Variants in TSPAN5 observed in about 807,000 individuals in gnomAD.
TSPAN5 encodes tetraspanin-5.
A neutral mutation model predicts 37.1 loss-of-function variants in TSPAN5; 10 were observed. The ratio of observed to expected loss-of-function variants is 0.27; its 90% confidence interval spans 0.17 to 0.46. The LOEUF (loss-of-function observed/expected upper bound fraction) is 0.46. Ranked by LOEUF, TSPAN5 falls within the 20% of genes least tolerant of loss-of-function variation. The pLI, the probability that TSPAN5 is intolerant of heterozygous loss-of-function variation, is 1.00. For missense variants in TSPAN5, 195 were observed against 326.6 expected (o/e 0.60, Z 3.11); for synonymous variants, 110 against 118.9 (o/e 0.93, Z 0.48).
chr4:98,553,813 T>A (rs1754674591), intron 1 of TSPAN5, among the ~76,000 whole-genome samples: 1 of 152,178 alleles, frequency 6.6e-6, no homozygotes. Flanking sequence ...ACGCCTGTAA[T>A]CCTAGCACTT....
At chr4:98,598,399 G>C (rs1451060603) in intron 1 of TSPAN5, among the ~76,000 whole-genome samples, 1 of 150,772 alleles carries the variant, frequency 6.6e-6, no homozygotes, top group East Asian at 2.0e-4. Flanking sequence ...CCCGTCTTCT[G>C]CGTCGCTCAC....
chr4:98,582,893 C>A (rs187915527), intron 1 of TSPAN5, among the ~76,000 whole-genome samples: 1 of 152,236 alleles, frequency 6.6e-6, no homozygotes, highest in African/African-American at 2.4e-5. Flanking sequence ...AGCTTGGTAC[C>A]CACAAAAGAT....
intron 7 of TSPAN5, among the ~76,000 whole-genome samples, chr4:98,475,132 G>A (rs966313350): frequency 6.6e-6 from 1 of 152,158 alleles, no homozygotes; most frequent in Non-Finnish European, 1.5e-5. Context: ...TTGCAAATTT[G>A]TTTTGGCTAT....
intron 1 of TSPAN5, among the ~76,000 whole-genome samples, chr4:98,532,094 T>C (rs1754106953): frequency 6.6e-6 from 1 of 152,240 alleles, no homozygotes; most frequent in Non-Finnish European, 1.5e-5. Context: ...TGGCTTTTGT[T>C]GCCATTGCTT....
At chr4:98,500,326 C>T (rs1357895140) in intron 2 of TSPAN5, 2 of 152,164 alleles carry the variant, frequency 1.3e-5, no homozygotes, top group Non-Finnish European at 2.9e-5. Context: ...GCATTGAGAC[C>T]TAAAATCACA....
At chr4:98,653,259 C>A (rs987105079) in intron 1 of TSPAN5, among the ~76,000 whole-genome samples, 1 of 151,914 alleles carries the variant, frequency 6.6e-6, no homozygotes, top group African/African-American at 2.4e-5. Context: ...TGCCCCCCCT[C>A]CCCCACCGCC....
Position 98,658,478 on chromosome 4 carries a change from A to C in TSPAN5, c.-252T>G, listed in dbSNP as rs1757341142. 3.8e-6 allele frequency: 1 copy of C among 263,336 alleles called. No homozygotes were observed. The highest frequency in any genetic ancestry group is 1.6e-4 in the South Asian group (1 of 6,138). 16.3% of individuals were successfully genotyped at this position (263,336 alleles called of 1,614,324 possible). A position where few individuals can be genotyped will look rare whatever the true frequency, so the allele number is the denominator to read the frequency against. On this transcript the variant is annotated 5_prime_UTR_variant, in exon 1 of 8. Transcript: ENST00000305798. The stretch of plus-strand genomic sequence containing the variant: ...CAGGGAAGCCGCGCGCTGCAAGCTC[A>C]AGCCTCGCCGACGCTAGCCCCGAAC...
intron 1 of TSPAN5, among the ~76,000 whole-genome samples, chr4:98,653,108 G>T (rs1757226363): frequency 6.6e-6 from 1 of 152,138 alleles, no homozygotes; most frequent in Non-Finnish European, 1.5e-5. Flanking sequence ...ACGCAATTTA[G>T]ATTCCCATAT....
chr4:98,627,409 A>C (rs977056474), intron 1 of TSPAN5, among the ~76,000 whole-genome samples: 1 of 152,086 alleles, frequency 6.6e-6, no homozygotes, highest in Non-Finnish European at 1.5e-5. Context: ...AGTTGTTTCA[A>C]AAGGAAAAAA....
At chr4:98,621,063 T>A (rs1756469412) in intron 1 of TSPAN5, among the ~76,000 whole-genome samples, 1 of 152,058 alleles carries the variant, frequency 6.6e-6, no homozygotes, top group Non-Finnish European at 1.5e-5. Flanking sequence ...ACTGTGTCCT[T>A]ATAAAAAGAC....
At chr4:98,627,847 G>C (rs1415010581) in intron 1 of TSPAN5, among the ~76,000 whole-genome samples, 4 of 152,138 alleles carry the variant, frequency 2.6e-5, no homozygotes, top group Non-Finnish European at 4.4e-5. Context: ...GCTGTTGTGA[G>C]CCAAAGAGAA....
intron 1 of TSPAN5, among the ~76,000 whole-genome samples, chr4:98,570,805 A>G (rs1257901342): frequency 1.3e-5 from 2 of 152,144 alleles, no homozygotes; most frequent in South Asian, 2.1e-4. Context: ...CTCCTCTTTC[A>G]TACTCCACCC....
intron 1 of TSPAN5, among the ~76,000 whole-genome samples, chr4:98,599,180 A>C (rs1258325209): frequency 6.6e-6 from 1 of 151,968 alleles, no homozygotes; most frequent in Non-Finnish European, 1.5e-5. Flanking sequence ...TCACAGTTTC[A>C]CCCAAGCTGG....
At chr4:98,635,164 C>T (rs537287958) in intron 1 of TSPAN5, among the ~76,000 whole-genome samples, 34 of 152,324 alleles carry the variant, frequency 2.2e-4, no homozygotes, top group African/African-American at 7.2e-4. Flanking sequence ...TTACAGTTAA[C>T]GAAGCACTCT....
intron 1 of TSPAN5, among the ~76,000 whole-genome samples, chr4:98,542,793 C>T (rs2110143457): frequency 6.7e-6 from 1 of 149,662 alleles, no homozygotes; most frequent in East Asian, 2.0e-4. Context: ...TGAGGTGTGA[C>T]GGAGACAACT....
intron 1 of TSPAN5, among the ~76,000 whole-genome samples, chr4:98,590,840 CA>C (rs1162400587): frequency 1.3e-5 from 2 of 152,160 alleles, no homozygotes; most frequent in African/African-American, 4.8e-5. Context: ...TAAGACCCCA[CA>C]AGGGTGAAAT....
At chr4:98,622,979 CAG>C (rs1439646567) in intron 1 of TSPAN5, among the ~76,000 whole-genome samples, 6 of 152,118 alleles carry the variant, frequency 3.9e-5, no homozygotes, top group Non-Finnish European at 7.4e-5. Context: ...TAATAAGAAA[CAG>C]ATTTGTAAAT....
At chr4:98,540,135 A>C (rs1189592623) in intron 1 of TSPAN5, among the ~76,000 whole-genome samples, 1 of 152,230 alleles carries the variant, frequency 6.6e-6, no homozygotes, top group Non-Finnish European at 1.5e-5. Context: ...AGTTTGTTTT[A>C]AGCTGCTAAA....
At chr4:98,610,115 T>C (rs1016074263) in intron 1 of TSPAN5, among the ~76,000 whole-genome samples, 8 of 152,188 alleles carry the variant, frequency 5.3e-5, no homozygotes, top group Admixed American at 2.6e-4. Context: ...GGGTAATTTG[T>C]AAAGAAATAA....
Sources: gnomAD v4.1 joint callset for allele counts (sites outside exome capture counted in the v4.1 genomes callset) on GRCh38, gnomAD v4.1.1 for gene constraint, MANE v1.5 for transcripts, NCBI Gene and HGNC (gene_info 2026-07-23, HGNC 2026-07-21) for gene names.